NLGN1: variants seen among roughly 807,000 people sequenced by gnomAD.
NLGN1 encodes the protein neuroligin-1.
Under a neutral mutation model 65.5 loss-of-function variants are expected in NLGN1, and 12 were observed. The observed-to-expected ratio is 0.18, with a 90% CI of 0.12 to 0.30. The LOEUF (loss-of-function observed/expected upper bound fraction) is 0.30, where lower values mean the gene tolerates loss of function less well. Ranked by LOEUF, NLGN1 falls within the 10% of genes least tolerant of loss-of-function variation. The pLI, the probability that NLGN1 is intolerant of heterozygous loss-of-function variation, is 1.00. For missense variants in NLGN1, 750 were observed against 1,007.1 expected, an observed-to-expected ratio of 0.74 and a Z score of 3.46; for synonymous variants, 350 against 359.5, an observed-to-expected ratio of 0.97 and a Z score of 0.30.
intron 4 of NLGN1, among the ~76,000 whole-genome samples, chr3:173,975,300 ATC>A (rs1405462290): frequency 3.2e-4 from 48 of 151,956 alleles, no homozygotes; most frequent in East Asian, 1.9e-4. Context: ...TCTCTTCCAA[ATC>A]TCTCCTCTTT....
At chr3:173,781,277 G>A (rs930819301) in intron 3 of NLGN1, among the ~76,000 whole-genome samples, 7 of 151,908 alleles carry the variant, frequency 4.6e-5, no homozygotes. Context: ...ATCCTTCCAG[G>A]AAATATCTGT....
chr3:173,413,166 C>T lies in NLGN1; in HGVS notation c.-390+14679C>T, dbSNP rs1160678282. 5.3e-5 allele frequency among the ~76,000 whole-genome samples: 8 copies of T among 151,958 alleles called. No homozygotes were observed. In the South Asian group the frequency reaches 6.2e-4, roughly 12 times the overall value. ...GGGGGAAGCGATGGACTAAGGAAGT[C>T]GGGGATGCAATGTGACTGTGATCTA... On this transcript the variant is annotated intron_variant, in intron 1 of 6. Coordinates refer to ENST00000457714, the Ensembl canonical transcript of NLGN1.
intron 4 of NLGN1, among the ~76,000 whole-genome samples, chr3:173,917,512 A>G (rs1740983484): frequency 6.6e-6 from 1 of 152,216 alleles, no homozygotes; most frequent in Non-Finnish European, 1.5e-5. Flanking sequence ...TTTCTTAAGA[A>G]AATAGCAAAA....
chr3:173,670,482 A>C (rs1202183251), intron 3 of NLGN1, among the ~76,000 whole-genome samples: 1 of 152,150 alleles, frequency 6.6e-6, no homozygotes, highest in Non-Finnish European at 1.5e-5. Flanking sequence ...TGAGATGAGA[A>C]ATAGAAGTGT....
intron 4 of NLGN1, among the ~76,000 whole-genome samples, chr3:174,138,861 A>G (rs986248887): frequency 1.3e-5 from 2 of 151,806 alleles, no homozygotes; most frequent in Admixed American, 6.6e-5. Flanking sequence ...GCAAAATGGG[A>G]AAAAAAAGGG....
intron 2 of NLGN1, among the ~76,000 whole-genome samples, chr3:173,593,850 A>T (rs746258567): frequency 3.9e-5 from 6 of 152,214 alleles, no homozygotes; most frequent in Admixed American, 1.3e-4. Context: ...CACTTCTTAC[A>T]TGTTGGCGGC....
At chr3:173,416,560 A>G (rs1713838936) in intron 1 of NLGN1, among the ~76,000 whole-genome samples, 1 of 152,162 alleles carries the variant, frequency 6.6e-6, no homozygotes, top group South Asian at 2.1e-4. Flanking sequence ...AGTTCAGAAA[A>G]TATTGCTTTG....
intron 2 of NLGN1, among the ~76,000 whole-genome samples, chr3:173,476,631 G>T (rs1209194130): frequency 6.6e-6 from 1 of 152,046 alleles, no homozygotes; most frequent in Admixed American, 6.6e-5. Context: ...GGTTATAAAG[G>T]GTCTTCCTGT....
intron 4 of NLGN1, among the ~76,000 whole-genome samples, chr3:174,069,228 C>T (rs770014940): frequency 6.6e-6 from 1 of 152,088 alleles, no homozygotes; most frequent in African/African-American, 2.4e-5. Context: ...ATAGTAGAAC[C>T]TCATGGGGAA....
intron 3 of NLGN1, among the ~76,000 whole-genome samples, chr3:173,619,233 T>C (rs187327560): frequency 7.6e-4 from 115 of 152,246 alleles, no homozygotes; most frequent in Non-Finnish European, 2.8e-4. Context: ...ACTAAAACAC[T>C]ATGACCACTT....
intron 3 of NLGN1, among the ~76,000 whole-genome samples, chr3:173,801,213 A>G (rs1715399547): frequency 6.6e-6 from 1 of 151,970 alleles, no homozygotes; most frequent in Admixed American, 6.6e-5. Context: ...TTACTCTGTA[A>G]ACCTATGAAC....
At chr3:173,997,366 T>G (rs1427777840) in intron 4 of NLGN1, among the ~76,000 whole-genome samples, 2 of 152,128 alleles carry the variant, frequency 1.3e-5, no homozygotes, top group East Asian at 3.9e-4. Context: ...CCATATTAAT[T>G]GACTAGGATT....
chr3:174,266,392 T>C (rs1247161249), intron 4 of NLGN1, among the ~76,000 whole-genome samples: 1 of 152,194 alleles, frequency 6.6e-6, no homozygotes, highest in African/African-American at 2.4e-5. Flanking sequence ...ATGATTTTGT[T>C]CTTTTTTATG....
chr3:174,196,212 A>G lies in NLGN1; in HGVS notation c.647-79103A>G, dbSNP rs536849605. On this transcript the variant is annotated intron_variant, in intron 4 of 6. Coordinates refer to ENST00000457714, the Ensembl canonical transcript of NLGN1. ...CCTGGCAATAGGGTCTGAATTCTTCATAACCCAGAACTTTGTCATACTCAG... is the reference window on the plus strand; with the variant it reads ...CCTGGCAATAGGGTCTGAATTCTTCGTAACCCAGAACTTTGTCATACTCAG... Among the ~76,000 whole-genome samples, 11 of 152,322 alleles carry G rather than the reference A, an allele frequency of 7.2e-5. No individual in the cohort carries two copies. The East Asian group carries it at 1.9e-3, about 27-fold the overall frequency.
intron 4 of NLGN1, among the ~76,000 whole-genome samples, chr3:174,103,401 T>A (rs1389440220): frequency 6.6e-6 from 1 of 152,186 alleles, no homozygotes; most frequent in East Asian, 1.9e-4. Flanking sequence ...TACAAATATC[T>A]CTTTTTCCTC....
At chr3:173,691,496 G>A (rs576814847) in intron 3 of NLGN1, among the ~76,000 whole-genome samples, 4 of 152,172 alleles carry the variant, frequency 2.6e-5, no homozygotes, top group South Asian at 2.1e-4. Flanking sequence ...TGAAGCCAGC[G>A]ACTTTATATT....
At chr3:173,942,599 A>G (rs1401590621) in intron 4 of NLGN1, among the ~76,000 whole-genome samples, 1 of 152,176 alleles carries the variant, frequency 6.6e-6, no homozygotes, top group Non-Finnish European at 1.5e-5. Flanking sequence ...TTTGGAGGAA[A>G]AAACAGTTTT....
At chr3:173,428,102 A>G (rs968788817) in intron 1 of NLGN1, among the ~76,000 whole-genome samples, 1 of 151,826 alleles carries the variant, frequency 6.6e-6, no homozygotes, top group African/African-American at 2.4e-5. Flanking sequence ...CTTGAAGTCT[A>G]TTTTATCTGA....
intron 2 of NLGN1, among the ~76,000 whole-genome samples, chr3:173,516,914 T>C (rs935587935): frequency 6.6e-6 from 1 of 152,112 alleles, no homozygotes; most frequent in Non-Finnish European, 1.5e-5. Context: ...ATCTACTTCA[T>C]AGAATTATAT....
Sources: allele counts gnomAD v4.1 joint callset (sites outside exome capture counted in the v4.1 genomes callset), GRCh38; gene constraint gnomAD v4.1.1; transcripts MANE v1.5; gene names NCBI Gene and HGNC (gene_info 2026-07-23, HGNC 2026-07-21).